Variants in GALNT3 observed in about 807,000 individuals in gnomAD.
GALNT3 encodes GalNAc transferase 3.
In GALNT3, 51 loss-of-function variants were observed where a neutral mutation model predicts 69.8. The ratio of observed to expected loss-of-function variants is 0.73; its 90% CI spans 0.58 to 0.92. The LOEUF (loss-of-function observed/expected upper bound fraction) is 0.92. Among genes scored for constraint, GALNT3 ranks in the 40% least tolerant of loss-of-function variants. GALNT3 has a pLI of 0.00. For synonymous variants in GALNT3, 265 were observed against 248.5 expected (o/e 1.07, Z -0.63); for missense variants, 711 against 760.0 (o/e 0.94, Z 0.76).
At chr2:165,774,500 ATAGT>A (rs1688811212) in intron 1 of GALNT3, among the ~76,000 whole-genome samples, 1 of 152,214 alleles carries the variant, frequency 6.6e-6, no homozygotes, top group African/African-American at 2.4e-5. Flanking sequence ...CAGATAGAAG[ATAGT>A]TCTTTTTAGA....
chr2:165,772,554 C>T (rs539856363), intron 1 of GALNT3, among the ~76,000 whole-genome samples: 7 of 124,344 alleles, frequency 5.6e-5, no homozygotes, highest in Admixed American at 3.2e-4. Flanking sequence ...CACTGCACTC[C>T]AGCCTGGGTA....
At chr2:165,792,499 A>G (rs1302078548) in intron 1 of GALNT3, among the ~76,000 whole-genome samples, 1 of 152,246 alleles carries the variant, frequency 6.6e-6, no homozygotes, top group East Asian at 1.9e-4. Flanking sequence ...TTGAATTAAT[A>G]ATTACATCAT....
chr2:165,780,982 T>C (rs779953373), intron 1 of GALNT3, among the ~76,000 whole-genome samples: 5 of 152,140 alleles, frequency 3.3e-5, no homozygotes, highest in Non-Finnish European at 5.9e-5. Flanking sequence ...ATCTACCTAG[T>C]AGCAAGTCAG....
rs149336463 is a variant in GALNT3, at chr2:165,774,107, T to A, written c.-108-3299A>T. Among the ~76,000 whole-genome samples, 12 of 152,304 alleles carry A rather than the reference T, an allele frequency of 7.9e-5. 1 individual carries two copies. The highest frequency in any genetic ancestry group is 1.5e-4 in the Non-Finnish European group (10 of 68,026). ...TAAGAATGGTCAAAATGTTGGGGTCTCACAGGAAAGTGGTTCCCAGTTGAT... is the reference window on the plus strand; with the variant it reads ...TAAGAATGGTCAAAATGTTGGGGTCACACAGGAAAGTGGTTCCCAGTTGAT... On this transcript the variant is annotated intron_variant, in intron 1 of 10. Coordinates refer to ENST00000392701, the MANE Select transcript of GALNT3 (RefSeq NM_004482.4).
intron 4 of GALNT3, among the ~76,000 whole-genome samples, chr2:165,761,287 C>G (rs1260618036): frequency 6.6e-6 from 1 of 152,158 alleles, no homozygotes; most frequent in African/African-American, 2.4e-5. Context: ...TCTCAGCTCA[C>G]TGCAACCTCT....
At chr2:165,769,407 AAATAATAATAAT>A (rs35161167) in intron 2 of GALNT3, among the ~76,000 whole-genome samples, 4 of 131,394 alleles carry the variant, frequency 3.0e-5, no homozygotes, top group Admixed American at 1.6e-4. Context: ...CTCCATCTCA[AAATAATAATAAT>A]AATAATAATA....
chr2:165,792,026 C>G (rs1251445585), intron 1 of GALNT3, among the ~76,000 whole-genome samples: 3 of 152,186 alleles, frequency 2.0e-5, no homozygotes, highest in Non-Finnish European at 4.4e-5. Context: ...AAGTAAGATA[C>G]AGGAGTCATG....
chr2:165,781,988 C>T (rs1315674997), intron 1 of GALNT3, among the ~76,000 whole-genome samples: 1 of 152,152 alleles, frequency 6.6e-6, no homozygotes, highest in Non-Finnish European at 1.5e-5. Flanking sequence ...AAAGATATTA[C>T]ATCTGGGTCA....
intron 1 of GALNT3, among the ~76,000 whole-genome samples, chr2:165,777,488 G>C (rs1682984762): frequency 6.6e-6 from 1 of 152,188 alleles, no homozygotes; most frequent in East Asian, 1.9e-4. Flanking sequence ...TGCTTGGGTA[G>C]AAGTTTTATT....
At chr2:165,775,601 G>C (rs1688833605) in intron 1 of GALNT3, among the ~76,000 whole-genome samples, 1 of 152,148 alleles carries the variant, frequency 6.6e-6, no homozygotes, top group African/African-American at 2.4e-5. Flanking sequence ...CATTAATGCT[G>C]AATGACACTC....
chr2:165,783,138 G>A (rs991956437), intron 1 of GALNT3, among the ~76,000 whole-genome samples: 2 of 152,126 alleles, frequency 1.3e-5, no homozygotes, highest in African/African-American at 4.8e-5. Flanking sequence ...ATCATCTCCA[G>A]TAAAATCAGA....
At chr2:165,788,852 G>A (rs1305153602) in intron 1 of GALNT3, among the ~76,000 whole-genome samples, 1 of 152,164 alleles carries the variant, frequency 6.6e-6, no homozygotes, top group East Asian at 1.9e-4. Context: ...TTTAAGGGCT[G>A]TGGGTTCTAT....
chr2:165,749,593 C>T (rs1688319547), intron 10 of GALNT3, 149 bp downstream of exon 10: 2 of 771,962 alleles, frequency 2.6e-6, no homozygotes, highest in Admixed American at 4.1e-5. Context: ...TCTCTTATCA[C>T]ATGGGTAGAA....
intron 1 of GALNT3, among the ~76,000 whole-genome samples, chr2:165,785,108 T>C (rs1405813235): frequency 6.6e-5 from 10 of 152,168 alleles, no homozygotes; most frequent in Non-Finnish European, 7.3e-5. Context: ...AGAAATCCCA[T>C]AGATACGCTA....
intron 4 of GALNT3, 145 bp from the exon 5 acceptor site, chr2:165,759,715 T>A: frequency 1.5e-6 from 1 of 671,216 alleles, no homozygotes; most frequent in South Asian, 1.8e-5. Context: ...TCTTTCTTCC[T>A]CAGATTTATT....
intron 10 of GALNT3, 60 bp from the exon 11 acceptor site, chr2:165,748,963 T>C (rs531734242): frequency 2.2e-5 from 34 of 1,521,464 alleles, no homozygotes; most frequent in African/African-American, 1.8e-4. Context: ...GTGACAAATA[T>C]GAAAAAGATT....
At chr2:165,770,939 T>C (rs1688742615) in intron 1 of GALNT3, 131 bp from the exon 2 acceptor site, 1 of 393,368 alleles carries the variant, frequency 2.5e-6, no homozygotes, top group East Asian at 3.8e-5. Flanking sequence ...TACAAAGATA[T>C]CTTGTCCTCA....
chr2:165,761,126 AAC>A (rs199906382), intron 4 of GALNT3, among the ~76,000 whole-genome samples: 1 of 151,306 alleles, frequency 6.6e-6, no homozygotes, highest in African/African-American at 2.4e-5. Context: ...TAAAAAAAAA[AAC>A]ACACACACAA....
At chr2:165,782,672 T>C (rs1683137546) in intron 1 of GALNT3, among the ~76,000 whole-genome samples, 1 of 152,146 alleles carries the variant, frequency 6.6e-6, no homozygotes, top group African/African-American at 2.4e-5. Flanking sequence ...CACTTTTAAG[T>C]CTCCACTTTG....
Sources: gnomAD v4.1 joint callset for allele counts (sites outside exome capture counted in the v4.1 genomes callset) on GRCh38, gnomAD v4.1.1 for gene constraint, MANE v1.5 for transcripts, NCBI Gene and HGNC (gene_info 2026-07-23, HGNC 2026-07-21) for gene names.